TBCK: variants seen among roughly 807,000 people sequenced by gnomAD.
The protein encoded by TBCK is TBC domain-containing protein kinase-like protein.
In TBCK, 99 loss-of-function variants were observed where a neutral mutation model predicts 113.4. The observed-to-expected ratio is 0.87, with a 90% CI of 0.74 to 1.03. The LOEUF is 1.03. Among genes scored for constraint, TBCK ranks in the 50% least tolerant of loss-of-function variants. The pLI is 0.00. For missense variants in TBCK, 1,045 were observed against 1,061.3 expected, an observed-to-expected ratio of 0.98 and a Z score of 0.21; for synonymous variants, 369 against 370.8, an observed-to-expected ratio of 1.00 and a Z score of 0.05.
chr4:106,045,733 T>C lies in TBCK; in HGVS notation c.*837A>G, dbSNP rs1734162481. 1 of 152,050 alleles carries C rather than the reference T, an allele frequency of 6.6e-6. No homozygotes were observed. The highest frequency in any genetic ancestry group is 2.4e-5 in the African/African-American group (1 of 41,390). 9.4% of individuals were successfully genotyped at this position (152,050 alleles called of 1,614,324 possible). On this transcript the variant is annotated 3_prime_UTR_variant, in exon 26 of 26. Coordinates refer to ENST00000394708, the MANE Select transcript of TBCK (RefSeq NM_001163435.3). ...CTTCATCCCCTCCCTCCTTCCCTCA[T>C]TCTCTTCCTTCTAGATAGCAGATGT...
chr4:106,115,566 TA>T (rs1291188296), intron 24 of TBCK, among the ~76,000 whole-genome samples: 1 of 152,164 alleles, frequency 6.6e-6, no homozygotes, highest in Non-Finnish European at 1.5e-5. Flanking sequence ...GCTCTGTTTT[TA>T]AACAAAGTGA....
intron 22 of TBCK, 100 bp downstream of exon 22, chr4:106,193,509 T>A: frequency 1.6e-6 from 2 of 1,233,040 alleles, no homozygotes. Flanking sequence ...ACAGAAGAGA[T>A]GCTGAAGGCC....
chr4:106,105,617 G>C (rs1263168029), intron 24 of TBCK, among the ~76,000 whole-genome samples: 2 of 152,178 alleles, frequency 1.3e-5, no homozygotes, highest in African/African-American at 4.8e-5. Context: ...TCACCTGCTG[G>C]ATAAACCCCA....
At chr4:106,243,557 TAA>T (rs968465649) in intron 11 of TBCK, among the ~76,000 whole-genome samples, 13 of 151,450 alleles carry the variant, frequency 8.6e-5, no homozygotes, top group African/African-American at 2.9e-4. Flanking sequence ...AAAATCAGAT[TAA>T]GAGAGAAAAA....
At chr4:106,288,004 TAAA>T (rs979612698) in intron 3 of TBCK, among the ~76,000 whole-genome samples, 7 of 150,886 alleles carry the variant, frequency 4.6e-5, no homozygotes, top group African/African-American at 9.8e-5. Context: ...ACCAAAAAAT[TAAA>T]AAAGTCAGTG....
intron 19 of TBCK, among the ~76,000 whole-genome samples, chr4:106,214,095 C>T (rs1173547803): frequency 6.6e-6 from 1 of 152,148 alleles, no homozygotes. Context: ...GAGGCACCCT[C>T]CAGCAGGGGC....
chr4:106,082,349 C>T (rs62320128), intron 25 of TBCK, among the ~76,000 whole-genome samples: 11,694 of 152,144 alleles, frequency 0.077, 512 homozygotes, highest in Middle Eastern at 0.18. Flanking sequence ...GAAAACCAAA[C>T]GCTACATGTT....
intron 23 of TBCK, among the ~76,000 whole-genome samples, chr4:106,156,441 A>C (rs956969232): frequency 2.0e-5 from 3 of 152,200 alleles, no homozygotes; most frequent in African/African-American, 7.2e-5. Flanking sequence ...AAAGCCAGCC[A>C]GGGTTTTTCC....
At chr4:106,117,430 C>T (rs1743655096) in intron 23 of TBCK, among the ~76,000 whole-genome samples, 1 of 152,062 alleles carries the variant, frequency 6.6e-6, no homozygotes, top group Non-Finnish European at 1.5e-5. Flanking sequence ...ATAAAGAGCA[C>T]CCTAATGCTT....
intron 23 of TBCK, among the ~76,000 whole-genome samples, chr4:106,152,332 T>C (rs572361205): frequency 2.0e-5 from 3 of 152,200 alleles, no homozygotes; most frequent in African/African-American, 4.8e-5. Context: ...CCAGTATCAA[T>C]TGAAATGTTC....
At chr4:106,187,253 A>AT (rs536383883) in intron 22 of TBCK, among the ~76,000 whole-genome samples, 27 of 147,746 alleles carry the variant, frequency 1.8e-4, no homozygotes, top group Non-Finnish European at 3.1e-4. Flanking sequence ...ATTTTAGAAT[A>AT]TTTTTTTCTA....
chr4:106,214,652 G>A (rs1223666862), intron 19 of TBCK, among the ~76,000 whole-genome samples: 1 of 152,082 alleles, frequency 6.6e-6, no homozygotes, highest in Non-Finnish European at 1.5e-5. Context: ...AAGTGAGAAG[G>A]AAAGTTTAGA....
chr4:106,161,824 T>C (rs1383086241), intron 23 of TBCK, among the ~76,000 whole-genome samples: 2 of 152,036 alleles, frequency 1.3e-5, no homozygotes, highest in Non-Finnish European at 2.9e-5. Context: ...ATGGTAACTG[T>C]AGGATGCAAG....
At chr4:106,257,995 A>C (rs190713787) in intron 5 of TBCK, among the ~76,000 whole-genome samples, 72 of 152,232 alleles carry the variant, frequency 4.7e-4, no homozygotes, top group Non-Finnish European at 6.8e-4. Flanking sequence ...ATGAAAAATC[A>C]AGCAAAACTA....
chr4:106,231,626 G>A (rs1432125944), intron 18 of TBCK, 103 bp downstream of exon 18: 29 of 944,310 alleles, frequency 3.1e-5, no homozygotes, highest in Non-Finnish European at 4.7e-5. Flanking sequence ...ATCTACCAGG[G>A]AGAGAATAAG....
In TBCK at chr4:106,294,563, G is replaced by C. The variant is rs565676638; in HGVS notation, c.266+531C>G. 1.5e-4 allele frequency among the ~76,000 whole-genome samples: 23 copies of C among 151,694 alleles called. No homozygotes were observed. The South Asian group carries it at 4.0e-3, about 26-fold the overall frequency. ...GTGGTGCAATCTCGGCTCACCGTAA[G>C]CTCCGCCTCCTGGGTTCACGCCATT... On this transcript the variant is annotated intron_variant, in intron 3 of 25. Transcript: ENST00000394708.
chr4:106,170,223 G>T (rs1750831354), intron 23 of TBCK, among the ~76,000 whole-genome samples: 1 of 152,090 alleles, frequency 6.6e-6, no homozygotes, highest in Non-Finnish European at 1.5e-5. Context: ...GCAGGCAGAA[G>T]ACAACTACTA....
intron 25 of TBCK, among the ~76,000 whole-genome samples, chr4:106,071,592 G>C (rs552400338): frequency 6.6e-6 from 1 of 152,222 alleles, no homozygotes; most frequent in Non-Finnish European, 1.5e-5. Context: ...GGGCTGAAGA[G>C]TTCTGTAGAT....
chr4:106,143,967 T>C (rs1747460633), intron 23 of TBCK, among the ~76,000 whole-genome samples: 1 of 150,144 alleles, frequency 6.7e-6, no homozygotes, highest in Non-Finnish European at 1.5e-5. Context: ...TGCACCAACC[T>C]AACATATGAA....
Sources: allele counts gnomAD v4.1 joint callset (sites outside exome capture counted in the v4.1 genomes callset), GRCh38; gene constraint gnomAD v4.1.1; transcripts MANE v1.5; gene names NCBI Gene and HGNC (gene_info 2026-07-23, HGNC 2026-07-21).